SPDYE16: variants seen among roughly 807,000 people sequenced by gnomAD.
SPDYE16 encodes speedy/RINGO cell cycle regulator family member E16.
A neutral mutation model predicts 40.1 loss-of-function variants in SPDYE16; 5 were observed. The ratio of observed to expected loss-of-function variants is 0.12; its 90% CI spans 0.07 to 0.26. The LOEUF (loss-of-function observed/expected upper bound fraction) is 0.26, where lower values mean the gene tolerates loss of function less well. Among genes scored for constraint, SPDYE16 ranks in the 10% least tolerant of loss-of-function variants. SPDYE16 has a pLI of 1.00. For synonymous variants in SPDYE16, 40 were observed against 154.2 expected (o/e 0.26, Z 5.49); for missense variants, 98 against 409.8 (o/e 0.24, Z 6.57).
Position 76,541,496 on chromosome 7 carries a change from A to G in SPDYE16, c.-37T>C. ...GGACACTGCTAGGATCCAGAAGAGTATGTTATCAATTCTCAAGCCTAGGAG... is the reference window on the plus strand; with the variant it reads ...GGACACTGCTAGGATCCAGAAGAGTGTGTTATCAATTCTCAAGCCTAGGAG... On this transcript the variant is annotated 5_prime_UTR_variant, in exon 2 of 9. Transcript: ENST00000633306. The G allele has an allele frequency of 2.6e-6, 4 of 1,533,244 alleles. No individual in the cohort carries two copies. The highest frequency in any genetic ancestry group is 1.2e-5 in the South Asian group (1 of 83,860). 95.0% of individuals were successfully genotyped at this position (1,533,244 alleles called of 1,614,324 possible).
At chr7:76,534,824 AG>A (rs1369918325) in intron 6 of SPDYE16, among the ~76,000 whole-genome samples, 14 of 127,220 alleles carry the variant, frequency 1.1e-4, no homozygotes, top group Admixed American at 1.1e-3. Context: ...GAGCTAATAA[AG>A]AAGCTGAGGT....
chr7:76,533,332 T>G lies in SPDYE16; in HGVS notation c.*45+317A>C. 7 of 650,620 alleles carry G rather than the reference T, an allele frequency of 1.1e-5. 1 individual carries two copies. Among genetic ancestry groups the G allele is most frequent in the Non-Finnish European group, 1.4e-5 (7 of 511,220 alleles). The allele number at this position is 650,620 out of a possible 1,614,324, so 40.3% of individuals were successfully genotyped here. A position where few individuals can be genotyped will look rare whatever the true frequency, so the allele number is the denominator to read the frequency against. Reference sequence around the variant, plus strand: ...GGTAACTCAAGTGCGTCAGTCATAATGAACCTCCCCAAACTCAGTATTTAT... The same window carrying G: ...GGTAACTCAAGTGCGTCAGTCATAAGGAACCTCCCCAAACTCAGTATTTAT... On this transcript the variant is annotated intron_variant, in intron 8 of 8. Transcript: ENST00000633306.
rs1212479791 is a variant in SPDYE16 at position 76,540,360 on chromosome 7, C to G, written c.161-14G>C. The G allele has an allele frequency of 6.3e-7, 1 of 1,592,306 alleles. No homozygotes were observed. Among genetic ancestry groups the G allele is most frequent in the Non-Finnish European group, 8.5e-7 (1 of 1,178,478 alleles). On this transcript the variant is annotated splice_polypyrimidine_tract_variant and intron_variant, in intron 2 of 8. Transcript: ENST00000633306. Reference sequence around the variant, plus strand: ...CTACCCCAGGGGCTGAGTAAAGAAACCAGGCCACCGTGTAATGCTTCTGCA... The same window carrying G: ...CTACCCCAGGGGCTGAGTAAAGAAAGCAGGCCACCGTGTAATGCTTCTGCA...
rs1490420024 is a variant in SPDYE16 at position 76,533,767 on chromosome 7, C to T, written c.1000-14G>A. On this transcript the variant is annotated splice_polypyrimidine_tract_variant and intron_variant, in intron 7 of 8. Transcript: ENST00000633306. ...ATAAGCCTGGATCTGGAAAAACAAACGCCCTTTGAGAAGACAGGGACTCGC... is the reference window on the plus strand; with the variant it reads ...ATAAGCCTGGATCTGGAAAAACAAATGCCCTTTGAGAAGACAGGGACTCGC... 2.3e-5 allele frequency: 25 copies of T among 1,067,972 alleles called. 8 individuals are homozygous for T. The highest frequency in any genetic ancestry group is 3.2e-5 in the Non-Finnish European group (25 of 784,686). 66.2% of individuals were successfully genotyped at this position (1,067,972 alleles called of 1,614,324 possible). A position where few individuals can be genotyped will look rare whatever the true frequency, so the allele number is the denominator to read the frequency against.
chr7:76,539,956 A>T (rs1292409562), intron 3 of SPDYE16, among the ~76,000 whole-genome samples, 172 bp downstream of exon 3: 1 of 119,862 alleles, frequency 8.3e-6, no homozygotes, highest in East Asian at 2.3e-4. Flanking sequence ...AGTCTAGCCT[A>T]GTCCTCTATC....
chr7:76,542,252 ATT>A (rs1344489931), intron 1 of SPDYE16, among the ~76,000 whole-genome samples: 3 of 151,184 alleles, frequency 2.0e-5, no homozygotes, highest in Non-Finnish European at 4.4e-5. Context: ...CCCTAAGGCA[ATT>A]TTGAGTCCAA....
At chr7:76,537,069 G>A (rs1813053813) in intron 5 of SPDYE16, among the ~76,000 whole-genome samples, 1 of 56,658 alleles carries the variant, frequency 1.8e-5, no homozygotes, top group Admixed American at 1.7e-4. Context: ...GGAGCTGGTC[G>A]GGCACAGTGG....
rs1161724002 is a variant in SPDYE16, at chr7:76,541,796, CA to C, written c.-338del. Among the ~76,000 whole-genome samples, 1 of 138,204 alleles carries C rather than the reference CA, an allele frequency of 7.2e-6. No individual in the cohort carries two copies. Among genetic ancestry groups the C allele is most frequent in the African/African-American group, 2.7e-5 (1 of 37,366 alleles). The allele number at this position is 138,204 out of a possible 152,430, so 90.7% of individuals were successfully genotyped here. On this transcript the variant is annotated 5_prime_UTR_variant, in exon 2 of 9. An upstream open reading frame in the 5' UTR gains an earlier in-frame stop. Transcript: ENST00000633306. ...CTCCACATCCCTCTGTTCCCTGTCC[CA>C]GCAGAGGCTGTGTCCTCTCCACTCA...
At chr7:76,534,757 TAAACAAAC>T (rs758293481) in intron 6 of SPDYE16, among the ~76,000 whole-genome samples, 1 of 139,832 alleles carries the variant, frequency 7.2e-6, no homozygotes, top group Non-Finnish European at 1.5e-5. Flanking sequence ...TCTGTCTCAA[TAAACAAAC>T]AAACAAACAA....
In SPDYE16 at chr7:76,540,228, G is replaced by A; in HGVS notation, c.279C>T (p.Thr93=). 1 of 1,436,762 alleles carries A rather than the reference G, an allele frequency of 7.0e-7. No homozygotes were observed. The highest frequency in any genetic ancestry group is 1.2e-5 in the South Asian group (1 of 80,598). 89.0% of individuals were successfully genotyped at this position (1,436,762 alleles called of 1,614,324 possible). ...GCCCACACAGCATCTCCACTACCCA[G>A]GTCTCCTCAGGCTCAGGGGCGAGCT... The part of the protein sequence containing the change: ...EKELAPEPEE[T]WVVEMLCGLK... Residue 93 remains threonine, a synonymous_variant, in exon 3 of 9, where the codon ACC becomes ACT. Transcript: ENST00000633306.
Position 76,541,346 on chromosome 7 carries a change from C to G in SPDYE16, c.114G>C (p.Gly38=). 1.3e-6 allele frequency: 2 copies of G among 1,534,898 alleles called. No homozygotes were observed. The highest frequency in any genetic ancestry group is 1.7e-6 in the Non-Finnish European group (2 of 1,146,650). The change falls in exon 2 of 9, where the codon GGG becomes GGC. Residue 38 remains glycine, a synonymous_variant. Coordinates refer to ENST00000633306, the MANE Select transcript of SPDYE16 (RefSeq NM_001394943.1). ...NEQSPQRSTS[G]YSLQEVVDDE... ...CATCCACCACCTCCTGGAGGGAGTA[C>G]CCCGAGGTGCTCCGCTGGGGACTCT... is the stretch of plus-strand genomic sequence containing the variant.
At chr7:76,536,606 T>C (rs1237748251) in intron 5 of SPDYE16, among the ~76,000 whole-genome samples, 1 of 106,876 alleles carries the variant, frequency 9.4e-6, no homozygotes, top group Non-Finnish European at 1.9e-5. Context: ...GCTTCAGGGC[T>C]GCGGCCAGAC....
intron 3 of SPDYE16, among the ~76,000 whole-genome samples, chr7:76,539,818 G>A (rs1813131292): frequency 1.8e-5 from 2 of 114,118 alleles, no homozygotes; most frequent in Non-Finnish European, 3.5e-5. Context: ...ATAGCTCACT[G>A]CAGTCTCAAA....
Position 76,534,102 on chromosome 7 carries a change from A to G in SPDYE16, c.773T>C (p.Met258Thr). 1 of 1,583,814 alleles carries G rather than the reference A, an allele frequency of 6.3e-7. No individual in the cohort carries two copies. The highest frequency in any genetic ancestry group is 8.6e-7 in the Non-Finnish European group (1 of 1,168,786). Residue 258 changes from methionine to threonine, a missense_variant, in exon 7 of 9, where the codon ATG becomes ACG. Transcript: ENST00000633306. ...TTTGGGGTCCTCGTCGTCCTCCTCC[A>G]TGTCATTGGCCAGGTAGCTGAGGAC... is the stretch of plus-strand genomic sequence containing the variant. ...FFLALYLAND[M>T]EEDDEDPKQN... is the part of the protein sequence containing the mutation.
Position 76,541,735 on chromosome 7 carries a change from C to T in SPDYE16, c.-276G>A, listed in dbSNP as rs1238764256. ...TGAATGGTATCTCCTGCCACTGTCCCAACCTCAGACCATTGTCCAAAAGCA... is the reference window on the plus strand; with the variant it reads ...TGAATGGTATCTCCTGCCACTGTCCTAACCTCAGACCATTGTCCAAAAGCA... On this transcript the variant is annotated 5_prime_UTR_variant, in exon 2 of 9. Transcript: ENST00000633306. Among the ~76,000 whole-genome samples the T allele has an allele frequency of 1.2e-4, 18 of 144,714 alleles. No homozygotes were observed. The highest frequency in any genetic ancestry group is 4.3e-4 in the African/African-American group (17 of 39,168). The allele number at this position is 144,714 out of a possible 152,430, so 94.9% of individuals were successfully genotyped here.
chr7:76,534,129 G>C lies in SPDYE16; in HGVS notation c.756-10C>G. ...GTCATTGGCCAGGTAGCTGAGGACA[G>C]AAATCAGGTTGCTGCTCAGGGGCAC... On this transcript the variant is annotated splice_polypyrimidine_tract_variant and intron_variant, in intron 6 of 8. Coordinates refer to ENST00000633306, the MANE Select transcript of SPDYE16 (RefSeq NM_001394943.1). The C allele has an allele frequency of 6.3e-7, 1 of 1,587,864 alleles. No homozygotes were observed. Among genetic ancestry groups the C allele is most frequent in the Non-Finnish European group, 8.6e-7 (1 of 1,168,580 alleles).
rs551920247 is a variant in SPDYE16 at position 76,537,663 on chromosome 7, C to T, written c.611-112G>A. The T allele has an allele frequency of 8.3e-5, 59 of 715,100 alleles. 13 individuals are homozygous for T. Among genetic ancestry groups the T allele is most frequent in the Middle Eastern group, 6.2e-4 (1 of 1,612 alleles). 44.3% of individuals were successfully genotyped at this position (715,100 alleles called of 1,614,324 possible). A position where few individuals can be genotyped will look rare whatever the true frequency, so the allele number is the denominator to read the frequency against. On this transcript the variant is annotated intron_variant, in intron 4 of 8. Transcript: ENST00000633306. ...GGGGGGAAAGTCTCAGGATTGTGGC[C>T]GCGGGTGAGGTGGATGGGAGAGGGG...
At position 76,541,423 on chromosome 7, in the gene SPDYE16, G is replaced by T. The variant is rs900157623; in HGVS notation, c.37C>A (p.Gln13Lys). 85 of 1,534,540 alleles carry T rather than the reference G, an allele frequency of 5.5e-5. No individual in the cohort carries two copies. In the African/African-American group the frequency reaches 1.1e-3, roughly 20 times the overall value. ...RTETRFRKRG[Q>K]IKGKITTSRQ... ...CTGGTCGTGATCTTTCCCTTAATCT[G>T]TCCCCTCTTACGGAACCTAGTCTCC... is the stretch of plus-strand genomic sequence containing the variant. The change falls in exon 2 of 9, where the codon CAG (glutamine) becomes AAG (lysine). Residue 13 changes from glutamine to lysine, a missense_variant. Transcript: ENST00000633306.
At chr7:76,539,461 T>C (rs1164724496) in intron 3 of SPDYE16, among the ~76,000 whole-genome samples, 2 of 77,720 alleles carry the variant, frequency 2.6e-5, no homozygotes, top group Non-Finnish European at 4.9e-5. Context: ...TTTTTTTTTT[T>C]TTTTTTTTTT....
Sources: allele counts gnomAD v4.1 joint callset (sites outside exome capture counted in the v4.1 genomes callset), GRCh38; gene constraint gnomAD v4.1.1; transcripts MANE v1.5; gene names NCBI Gene and HGNC (gene_info 2026-07-23, HGNC 2026-07-21).